Variants in NAV3 observed in about 807,000 individuals in gnomAD.
NAV3 encodes the protein neuron navigator 3.
NAV3 carries 87 observed loss-of-function variants against 244.7 expected under a neutral mutation model. The ratio of observed to expected loss-of-function variants is 0.36; its 90% confidence interval spans 0.30 to 0.42. NAV3 has a LOEUF of 0.42. NAV3 is among the 20% of genes least tolerant of loss of function. The pLI is 1.00. For synonymous variants in NAV3, 1,126 were observed against 1,042.2 expected (o/e 1.08, Z -1.55); for missense variants, 2,663 against 2,893.3 (o/e 0.92, Z 1.83).
At chr12:78,190,332 C>A (rs1958917852) in intron 34 of NAV3, 113 bp downstream of exon 34, 1 of 802,644 alleles carries the variant, frequency 1.2e-6, no homozygotes. Flanking sequence ...GAATATCCAT[C>A]TTTTTTTTAC....
chr12:78,195,253 G>T (rs749622990), intron 34 of NAV3, among the ~76,000 whole-genome samples: 1 of 151,860 alleles, frequency 6.6e-6, no homozygotes, highest in Non-Finnish European at 1.5e-5. Context: ...CCAGTAGCAT[G>T]TACTATATTT....
At chr12:77,980,999 T>C (rs1869459683) in intron 5 of NAV3, among the ~76,000 whole-genome samples, 1 of 152,108 alleles carries the variant, frequency 6.6e-6, no homozygotes, top group African/African-American at 2.4e-5. Context: ...ACAGAGGTTA[T>C]AACATATTTT....
At chr12:77,874,968 A>G (rs1056997277) in intron 1 of NAV3, among the ~76,000 whole-genome samples, 1 of 152,170 alleles carries the variant, frequency 6.6e-6, no homozygotes, top group Non-Finnish European at 1.5e-5. Context: ...CAACTAATCT[A>G]TATTTCATTG....
intron 3 of NAV3, among the ~76,000 whole-genome samples, chr12:77,941,892 AACT>A (rs1257204712): frequency 2.0e-5 from 3 of 152,198 alleles, no homozygotes; most frequent in Non-Finnish European, 4.4e-5. Context: ...CTTTCTCCAA[AACT>A]CTTCAGCACA....
chr12:78,107,449 A>G (rs1481392283), intron 12 of NAV3, among the ~76,000 whole-genome samples: 1 of 152,170 alleles, frequency 6.6e-6, no homozygotes, highest in African/African-American at 2.4e-5. Flanking sequence ...GCACATTACA[A>G]TCAGACTGTT....
At chr12:78,036,868 A>C (rs1359830583) in intron 9 of NAV3, 1 of 689,886 alleles carries the variant, frequency 1.4e-6, no homozygotes, top group Non-Finnish European at 2.7e-6. Flanking sequence ...AGAATCATGC[A>C]GCGGCCTGCT....
chr12:77,776,625 C>T (rs557058821), intron 2 of NAV3, among the ~76,000 whole-genome samples: 2 of 152,288 alleles, frequency 1.3e-5, no homozygotes, highest in Admixed American at 1.3e-4. Context: ...TATCTAGGCT[C>T]ACTAAAAGCA....
chr12:77,921,927 A>C (rs1479027), intron 1 of NAV3, among the ~76,000 whole-genome samples: 17,047 of 152,158 alleles, frequency 0.11, 1,083 homozygotes, highest in South Asian at 0.2. Context: ...CAATGCCCAT[A>C]TCATAAGGTC....
chr12:78,063,755 C>T (rs746034971), intron 12 of NAV3, among the ~76,000 whole-genome samples: 1 of 152,070 alleles, frequency 6.6e-6, no homozygotes, highest in African/African-American at 2.4e-5. Context: ...AACTTTTTGA[C>T]ATCCAGCCTG....
At chr12:77,810,156 A>G (rs1489061463) in intron 2 of NAV3, among the ~76,000 whole-genome samples, 1 of 152,006 alleles carries the variant, frequency 6.6e-6, no homozygotes, top group Non-Finnish European at 1.5e-5. Context: ...AAGACCCATT[A>G]TATGTTTGTT....
chr12:77,891,775 A>G (rs1430699645), intron 1 of NAV3, among the ~76,000 whole-genome samples: 1 of 152,166 alleles, frequency 6.6e-6, no homozygotes, highest in Admixed American at 6.5e-5. Context: ...TTTCCAGTGT[A>G]ATGCTTTTCT....
chr12:77,971,602 A>T (rs1009505408), intron 5 of NAV3, among the ~76,000 whole-genome samples: 2 of 152,178 alleles, frequency 1.3e-5, no homozygotes, highest in African/African-American at 4.8e-5. Flanking sequence ...ATAATGTAGT[A>T]TCTATGGGTT....
intron 2 of NAV3, among the ~76,000 whole-genome samples, chr12:77,683,312 A>T (rs1565770301): frequency 6.6e-6 from 1 of 151,830 alleles, no homozygotes; most frequent in Non-Finnish European, 1.5e-5. Context: ...TCAAAAATTA[A>T]TTGATCATAA....
chr12:78,108,697 T>A (rs1954932015), intron 12 of NAV3, among the ~76,000 whole-genome samples: 1 of 152,108 alleles, frequency 6.6e-6, no homozygotes, highest in African/African-American at 2.4e-5. Context: ...AACAACATGT[T>A]CCTGGTTGAT....
intron 1 of NAV3, among the ~76,000 whole-genome samples, chr12:77,909,404 A>G (rs1463776440): frequency 6.6e-6 from 1 of 151,902 alleles, no homozygotes; most frequent in African/African-American, 2.4e-5. Flanking sequence ...TAGGAAGAAG[A>G]AGCATAAGAA....
chr12:77,580,219 A>AAAACACACACACACAC (rs540863736), intron 2 of NAV3, among the ~76,000 whole-genome samples: 3 of 145,394 alleles, frequency 2.1e-5, no homozygotes, highest in Admixed American at 6.8e-5. Flanking sequence ...GTAGGGTGGG[A>AAAACACACACACACAC]ACACACACAC....
At chr12:77,718,726 C>T (rs1436035037) in intron 2 of NAV3, among the ~76,000 whole-genome samples, 3 of 151,986 alleles carry the variant, frequency 2.0e-5, no homozygotes, top group South Asian at 4.2e-4. Flanking sequence ...GGCATGATCT[C>T]GGCTCACTGC....
chr12:77,801,170 G>A (rs1871685353), intron 2 of NAV3, among the ~76,000 whole-genome samples: 1 of 152,000 alleles, frequency 6.6e-6, no homozygotes, highest in African/African-American at 2.4e-5. Flanking sequence ...TGGTGGTGAG[G>A]GTTCAATGAA....
intron 2 of NAV3, among the ~76,000 whole-genome samples, chr12:77,735,688 A>G (rs887794041): frequency 2.0e-5 from 3 of 152,290 alleles, no homozygotes; most frequent in Middle Eastern, 3.4e-3. Flanking sequence ...GTAAAAATTT[A>G]CTTCTTTACA....
Sources: gnomAD v4.1 joint callset for allele counts (sites outside exome capture counted in the v4.1 genomes callset) on GRCh38, gnomAD v4.1.1 for gene constraint, MANE v1.5 for transcripts, NCBI Gene and HGNC (gene_info 2026-07-23, HGNC 2026-07-21) for gene names.